The following SDK1 variants were observed in gnomAD, a reference collection of about 807,000 sequenced individuals.
SDK1 encodes the protein protein sidekick-1.
SDK1 carries 157 observed loss-of-function variants against 245.5 expected under a neutral mutation model. The observed-to-expected ratio is 0.64, with a 90% CI of 0.56 to 0.73. The LOEUF (loss-of-function observed/expected upper bound fraction) is 0.73. Among genes scored for constraint, SDK1 ranks in the 30% least tolerant of loss-of-function variants. The pLI is 0.00. For synonymous variants in SDK1, 1,647 were observed against 1,278.5 expected, an observed-to-expected ratio of 1.29 and a Z score of -6.15; for missense variants, 3,583 against 3,002.3, an observed-to-expected ratio of 1.19 and a Z score of -4.52.
intron 1 of SDK1, among the ~76,000 whole-genome samples, chr7:3,357,331 T>G (rs1481614844): frequency 6.0e-4 from 7 of 11,654 alleles, no homozygotes; most frequent in South Asian, 4.0e-3. Flanking sequence ...TTTTAGTGTT[T>G]TTTTTTTTTT....
intron 1 of SDK1, among the ~76,000 whole-genome samples, chr7:3,371,290 A>G (rs572832691): frequency 2.1e-3 from 313 of 152,182 alleles, no homozygotes; most frequent in Non-Finnish European, 3.6e-3. Flanking sequence ...GTGCAGGAAC[A>G]TTAGATCTAG....
intron 32 of SDK1, 109 bp from the exon 33 acceptor site, chr7:4,174,113 A>T: frequency 8.0e-7 from 1 of 1,245,474 alleles, no homozygotes; most frequent in Non-Finnish European, 1.1e-6. Flanking sequence ...GGAACCCACG[A>T]CTTTCTTCTG....
At chr7:3,582,840 C>T (rs1780551921) in intron 1 of SDK1, among the ~76,000 whole-genome samples, 1 of 152,146 alleles carries the variant, frequency 6.6e-6, no homozygotes, top group African/African-American at 2.4e-5. Flanking sequence ...CAACCCCTAC[C>T]TGCTGTTTTC....
At chr7:3,354,456 T>C (rs1341232693) in intron 1 of SDK1, among the ~76,000 whole-genome samples, 1 of 152,196 alleles carries the variant, frequency 6.6e-6, no homozygotes, top group Non-Finnish European at 1.5e-5. Flanking sequence ...TTGGTTCCAA[T>C]GATTATTCGA....
chr7:3,337,560 G>A (rs1780235551), intron 1 of SDK1, among the ~76,000 whole-genome samples: 3 of 152,148 alleles, frequency 2.0e-5, no homozygotes. Flanking sequence ...GCCCCAGACA[G>A]GATCAACCCA....
chr7:3,855,896 C>G (rs75197638), intron 5 of SDK1, among the ~76,000 whole-genome samples: 2,124 of 152,224 alleles, frequency 0.014, 57 homozygotes, highest in African/African-American at 0.049. Flanking sequence ...CAGACATTCA[C>G]AGTCTCTAAA....
chr7:3,418,138 TAAAAATGAAAAAAAAA>T (rs1242184386), intron 1 of SDK1, among the ~76,000 whole-genome samples: 3 of 42,814 alleles, frequency 7.0e-5, no homozygotes, highest in Non-Finnish European at 7.5e-5. Flanking sequence ...CGATCTCTAC[TAAAAATGAAAAAAAAA>T]AAAAAAAAAA....
At chr7:4,105,730 G>C (rs1004175242) in intron 22 of SDK1, among the ~76,000 whole-genome samples, 2 of 152,354 alleles carry the variant, frequency 1.3e-5, no homozygotes, top group South Asian at 4.1e-4. Flanking sequence ...GCAGTGAGAG[G>C]CTAAGAGGGA....
At chr7:4,023,879 A>G (rs1562686931) in intron 17 of SDK1, among the ~76,000 whole-genome samples, 1 of 152,276 alleles carries the variant, frequency 6.6e-6, no homozygotes, top group Non-Finnish European at 1.5e-5. Context: ...GGACACTGCC[A>G]GGATATAAAA....
chr7:3,608,352 GCATGGCACCC>G (rs1413194538), intron 1 of SDK1, among the ~76,000 whole-genome samples: 1 of 152,116 alleles, frequency 6.6e-6, no homozygotes, highest in Non-Finnish European at 1.5e-5. Context: ...CTGCTTTTTT[GCATGGCACCC>G]CATTTTTACT....
At chr7:3,517,310 T>C (rs1484669895) in intron 1 of SDK1, among the ~76,000 whole-genome samples, 1 of 152,184 alleles carries the variant, frequency 6.6e-6, no homozygotes, top group Non-Finnish European at 1.5e-5. Flanking sequence ...TTTAATCTGT[T>C]TTCATGTTGA....
chr7:4,072,283 A>C (rs1036641828), intron 20 of SDK1, among the ~76,000 whole-genome samples: 4 of 152,214 alleles, frequency 2.6e-5, no homozygotes, highest in Admixed American at 6.5e-5. Context: ...AGCACCAGGC[A>C]GACTCTCTGC....
At chr7:3,386,645 G>A (rs933464242) in intron 1 of SDK1, among the ~76,000 whole-genome samples, 8 of 152,084 alleles carry the variant, frequency 5.3e-5, no homozygotes, top group Non-Finnish European at 1.2e-4. Flanking sequence ...CCATTTACAG[G>A]GAAATGCTGC....
chr7:4,039,298 A>G (rs1270769762), intron 17 of SDK1, among the ~76,000 whole-genome samples: 1 of 144,490 alleles, frequency 6.9e-6, no homozygotes, highest in East Asian at 1.9e-4. Context: ...AACTTAAAGT[A>G]TAATAAAAAA....
At chr7:3,732,555 A>G (rs116616400) in intron 4 of SDK1, among the ~76,000 whole-genome samples, 223 of 152,346 alleles carry the variant, frequency 1.5e-3, no homozygotes, top group African/African-American at 5.1e-3. Flanking sequence ...GTTCAGTGCT[A>G]ATAATTACAC....
chr7:4,262,593 A>G (rs1788090776), intron 44 of SDK1, among the ~76,000 whole-genome samples: 1 of 151,450 alleles, frequency 6.6e-6, no homozygotes, highest in African/African-American at 2.4e-5. Context: ...ACCCTGGCTT[A>G]TTCAGGCAGC....
At chr7:3,840,766 CCGAGAATCG>C (rs1780137096) in intron 5 of SDK1, among the ~76,000 whole-genome samples, 1 of 152,156 alleles carries the variant, frequency 6.6e-6, no homozygotes, top group Non-Finnish European at 1.5e-5. Context: ...GCAGTATGAT[CCGAGAATCG>C]CGAGCCTCGC....
At chr7:3,424,964 C>CT (rs1362419989) in intron 1 of SDK1, among the ~76,000 whole-genome samples, 6 of 151,862 alleles carry the variant, frequency 4.0e-5, no homozygotes, top group African/African-American at 7.3e-5. Context: ...CAATATTTTT[C>CT]TTTTTTTTGA....
intron 35 of SDK1, among the ~76,000 whole-genome samples, chr7:4,197,497 A>T (rs1351464911): frequency 6.6e-6 from 1 of 152,084 alleles, no homozygotes; most frequent in Non-Finnish European, 1.5e-5. Flanking sequence ...CAGAAAAAAA[A>T]AGTTATTTGA....
Sources: gnomAD v4.1 joint callset for allele counts (sites outside exome capture counted in the v4.1 genomes callset) on GRCh38, gnomAD v4.1.1 for gene constraint, MANE v1.5 for transcripts, NCBI Gene and HGNC (gene_info 2026-07-23, HGNC 2026-07-21) for gene names.